The following ZNF160 variants were observed in gnomAD, a reference collection of about 807,000 sequenced individuals.
ZNF160 encodes the protein zinc finger protein 160, also known as KRAB zinc finger protein KR18.
Under a neutral mutation model 13.1 loss-of-function variants are expected in ZNF160, and 9 were observed. The observed-to-expected ratio is 0.69, with a 90% CI of 0.41 to 1.20. The LOEUF (loss-of-function observed/expected upper bound fraction) is 1.20, where lower values mean the gene tolerates loss of function less well. Among genes scored for constraint, ZNF160 ranks in the 50% most tolerant of loss-of-function variants. The probability of loss-of-function intolerance (pLI) is 0.01; values close to 1 mark genes in which losing one functional copy is unlikely to be tolerated. For missense variants in ZNF160, 838 were observed against 988.0 expected (o/e 0.85, Z 2.04); for synonymous variants, 293 against 333.2 (o/e 0.88, Z 1.31).
At position 53,075,152 on chromosome 19, in the gene ZNF160, T is replaced by A; in HGVS notation, c.47A>T (p.Glu16Val). Reference protein sequence around the residue: ...VRLTFRDVAIEFSQEEWKCLD... With the variant: ...VRLTFRDVAIVFSQEEWKCLD... ...GCATTTCCACTCCTCCTGAGAGAAT[T>A]CTATGGCCACATCCCTAAATGTCAA... Residue 16 changes from glutamate (E) to valine (V), a missense_variant, in exon 4 of 6, where the codon GAA becomes GTA. Physicochemically the swap from Glu to Val is moderately radical, Grantham distance 121. This residue lies in a region of ZNF160 where 387 missense variants were observed against 402.3 expected (regional missense o/e 0.96). Coordinates refer to ENST00000683776, the MANE Select transcript of ZNF160 (RefSeq NM_001322131.2). The A allele has an allele frequency of 6.2e-7, 1 of 1,614,182 alleles. No homozygotes were observed. The highest frequency in any genetic ancestry group is 8.5e-7 in the Non-Finnish European group (1 of 1,180,030).
chr19:53,073,408 C>T (rs751908364), intron 5 of ZNF160: 23 of 1,598,254 alleles, frequency 1.4e-5, no homozygotes, highest in South Asian at 1.3e-4. Flanking sequence ...AAGAAATGGC[C>T]GAGGGACCTC....
rs376758707 is a variant in ZNF160, at chr19:53,075,112, C to G, written c.87G>C (p.Gln29His). 2 of 1,614,206 alleles carry G rather than the reference C, an allele frequency of 1.2e-6. No individual in the cohort carries two copies. The highest frequency in any genetic ancestry group is 1.7e-6 in the Non-Finnish European group (2 of 1,180,028). ...ACATCACGTCCCTGTATAAGATCCT[C>G]TGAGCAGGGTCCAGGCATTTCCACT... is the stretch of plus-strand genomic sequence containing the variant. The part of the protein sequence containing the change: ...QEEWKCLDPA[Q>H]RILYRDVMLE... Residue 29 changes from glutamine to histidine, a missense_variant, in exon 4 of 6, where the codon CAG becomes CAC. Physicochemically the swap from Gln to His is conservative, Grantham distance 24. This residue lies in a region of ZNF160 where 387 missense variants were observed against 402.3 expected (regional missense o/e 0.96). Transcript: ENST00000683776.
chr19:53,074,991 C>G (rs2084329600), intron 4 of ZNF160, 66 bp downstream of exon 4: 10 of 1,608,942 alleles, frequency 6.2e-6, no homozygotes, highest in Non-Finnish European at 8.5e-6. Flanking sequence ...TCTCCAGGGA[C>G]TCGTAAGGGA....
At chr19:53,075,322 A>G in intron 3 of ZNF160, 139 bp from the exon 4 acceptor site, 1 of 1,145,874 alleles carries the variant, frequency 8.7e-7, no homozygotes, top group South Asian at 1.5e-5. Flanking sequence ...ACAATGTGAC[A>G]TACAGATTTG....
chr19:53,102,733 A>T (rs1168846227), intron 1 of ZNF160, among the ~76,000 whole-genome samples: 1 of 151,832 alleles, frequency 6.6e-6, no homozygotes, highest in Non-Finnish European at 1.5e-5. Flanking sequence ...CATTCACTGG[A>T]GGGTTTGTAG....
chr19:53,070,354 C>G, intron 5 of ZNF160, 92 bp from the exon 6 acceptor site: 1 of 1,262,758 alleles, frequency 7.9e-7, no homozygotes, highest in East Asian at 2.6e-5. Context: ...AAAAGTAATA[C>G]TTATATTGAA....
chr19:53,072,882 A>G (rs2084232061), intron 5 of ZNF160: 8 of 779,084 alleles, frequency 1.0e-5, no homozygotes, highest in Non-Finnish European at 1.2e-5. Flanking sequence ...GGAATAATAA[A>G]CAGTTTTGTC....
At chr19:53,099,439 C>T (rs113654281) in intron 1 of ZNF160, among the ~76,000 whole-genome samples, 6,025 of 152,204 alleles carry the variant, frequency 0.04, 373 homozygotes, top group African/African-American at 0.13. Context: ...GGGCCCTGGA[C>T]GCAGGGCTGT....
chr19:53,091,763 T>C (rs1179557500), intron 1 of ZNF160, 43 bp from the exon 2 acceptor site: 1 of 152,212 alleles, frequency 6.6e-6, no homozygotes, highest in Non-Finnish European at 1.5e-5. Context: ...TGTAACTGAA[T>C]GAGATGCAAA....
intron 3 of ZNF160, among the ~76,000 whole-genome samples, chr19:53,081,971 A>G (rs2084649685): frequency 6.6e-6 from 1 of 152,212 alleles, no homozygotes; most frequent in Non-Finnish European, 1.5e-5. Context: ...TTGCAACAAC[A>G]TGGATGCAGC....
At chr19:53,101,096 T>C (rs1191845359) in intron 1 of ZNF160, among the ~76,000 whole-genome samples, 1 of 151,260 alleles carries the variant, frequency 6.6e-6, no homozygotes, top group African/African-American at 2.4e-5. Context: ...CTAGCCAACA[T>C]GGTGAAATCC....
rs750713413 is a variant in ZNF160 at position 53,068,429 on chromosome 19, T to C, written c.2105A>G (p.Glu702Gly). ...ACACTCATTGCATCGGTAAGGTTTC[T>C]CTCCGGTGTGAGTCCTTTGATGATT... The part of the protein sequence containing the change: ...LANHQRTHTG[E>G]KPYRCNECGK... The change falls in exon 6 of 6, where the codon GAG becomes GGG. Residue 702 changes from glutamate (E) to glycine (G), a missense_variant. Coordinates refer to ENST00000683776, the MANE Select transcript of ZNF160 (RefSeq NM_001322131.2). 1 of 1,614,090 alleles carries C rather than the reference T, an allele frequency of 6.2e-7. No homozygotes were observed. The highest frequency in any genetic ancestry group is 1.1e-5 in the South Asian group (1 of 91,074).
intron 5 of ZNF160, chr19:53,073,149 G>GT (rs2084243556): frequency 7.3e-7 from 1 of 1,373,080 alleles, no homozygotes; most frequent in Non-Finnish European, 9.5e-7. Context: ...CCAACCTGTG[G>GT]TAACCCACAT....
intron 1 of ZNF160, among the ~76,000 whole-genome samples, chr19:53,101,052 G>A (rs2085430489): frequency 6.6e-6 from 1 of 152,060 alleles, no homozygotes; most frequent in East Asian, 1.9e-4. Context: ...GCCGAGACAG[G>A]TGGATCACTT....
Position 53,069,298 on chromosome 19 carries a change from T to C in ZNF160, c.1236A>G (p.Leu412=). 1 of 1,613,824 alleles carries C rather than the reference T, an allele frequency of 6.2e-7. No homozygotes were observed. Among genetic ancestry groups the C allele is most frequent in the Non-Finnish European group, 8.5e-7 (1 of 1,179,924 alleles). ...CGKAFSVRSS[L]AIHQTIHTGE... The stretch of plus-strand genomic sequence containing the variant: ...CAGTGTGGATTGTCTGATGGATTGC[T>C]AGGCTTGAACGAACACTAAAGGCTT... Residue 412 remains leucine (L), a synonymous_variant, in exon 6 of 6, where the codon CTA becomes CTG. Transcript: ENST00000683776. The surrounding 1 kb of genome is among the most constrained non-coding windows in gnomAD (Gnocchi z 4.4).
At chr19:53,091,334 C>G (rs902325464) in intron 2 of ZNF160, 79 bp downstream of exon 2, 1 of 152,206 alleles carries the variant, frequency 6.6e-6, no homozygotes, top group African/African-American at 2.4e-5. Context: ...ACATATGTCT[C>G]TGAGGACTCC....
chr19:53,084,416 G>C (rs1195114208), intron 3 of ZNF160, among the ~76,000 whole-genome samples: 1 of 152,184 alleles, frequency 6.6e-6, no homozygotes, highest in Non-Finnish European at 1.5e-5. Context: ...CTTTCTACCA[G>C]ACCTTGCTCT....
intron 1 of ZNF160, among the ~76,000 whole-genome samples, chr19:53,092,743 C>G (rs925534521): frequency 2.0e-5 from 3 of 152,224 alleles, no homozygotes; most frequent in East Asian, 3.8e-4. Flanking sequence ...GTATGTTTGC[C>G]TCTCACATCC....
intron 3 of ZNF160, among the ~76,000 whole-genome samples, chr19:53,080,756 G>A (rs993946408): frequency 1.3e-5 from 2 of 152,038 alleles, no homozygotes; most frequent in African/African-American, 4.8e-5. Flanking sequence ...AGAGCTCAAA[G>A]AGCCAAGACA....
Sources: allele counts gnomAD v4.1 joint callset (sites outside exome capture counted in the v4.1 genomes callset), GRCh38; gene constraint gnomAD v4.1.1; regional missense constraint gnomAD v4.1.1; non-coding constraint Gnocchi (gnomAD v3.1); transcripts MANE v1.5; gene names NCBI Gene and HGNC (gene_info 2026-07-23, HGNC 2026-07-21).